Variants in ACLY observed in about 807,000 individuals in gnomAD.
ACLY encodes the protein ATP citrate lyase.
ACLY carries 41 observed loss-of-function variants against 133.0 expected under a neutral mutation model. That is an observed-to-expected ratio of 0.31 (90% CI 0.24 to 0.40). The LOEUF is 0.40. ACLY is among the 10% of genes least tolerant of loss of function. The probability of loss-of-function intolerance (pLI) is 1.00; values close to 1 mark genes in which losing one functional copy is unlikely to be tolerated. For missense variants in ACLY, 1,046 were observed against 1,453.8 expected, an observed-to-expected ratio of 0.72 and a Z score of 4.56; for synonymous variants, 495 against 549.3, an observed-to-expected ratio of 0.90 and a Z score of 1.38.
At chr17:41,919,159 C>G (rs993926652), upstream of ACLY, 5 of 995,482 alleles carry the variant, frequency 5.0e-6, no homozygotes. Context: ...CCCGCTGGCC[C>G]ATCCACCGCC....
chr17:41,906,176 C>A (rs1344242082), intron 8 of ACLY, among the ~76,000 whole-genome samples: 1 of 152,174 alleles, frequency 6.6e-6, no homozygotes, highest in Non-Finnish European at 1.5e-5. Flanking sequence ...ATATGCTTGA[C>A]AGGACATACA....
At chr17:41,891,791 G>A (rs1460059691) in intron 16 of ACLY, among the ~76,000 whole-genome samples, 1 of 152,112 alleles carries the variant, frequency 6.6e-6, no homozygotes, top group African/African-American at 2.4e-5. Context: ...GAACTCCTGG[G>A]TGATCAATTG....
intron 9 of ACLY, 44 bp from the exon 10 acceptor site, chr17:41,904,834 G>C (rs782217323): frequency 1.3e-6 from 2 of 1,564,616 alleles, no homozygotes; most frequent in South Asian, 2.2e-5. Flanking sequence ...TACATAGGTA[G>C]ACTTGAGCAT....
intron 1 of ACLY, among the ~76,000 whole-genome samples, chr17:41,917,730 C>T (rs2050088390): frequency 6.6e-6 from 1 of 152,128 alleles, no homozygotes. Context: ...GTGAGTGCCC[C>T]TTACTGCGGC....
intron 20 of ACLY, among the ~76,000 whole-genome samples, chr17:41,880,935 C>T (rs2048897794): frequency 6.6e-6 from 1 of 151,536 alleles, no homozygotes; most frequent in Admixed American, 6.6e-5. Flanking sequence ...ATGAGTGCCA[C>T]CAGATACTGA....
chr17:41,900,749 T>C (rs1424906159), intron 11 of ACLY, among the ~76,000 whole-genome samples: 1 of 151,852 alleles, frequency 6.6e-6, no homozygotes, highest in African/African-American at 2.4e-5. Context: ...ATAATAAATA[T>C]GTGGTTCCTC....
intron 11 of ACLY, among the ~76,000 whole-genome samples, chr17:41,900,977 C>T (rs1456036343): frequency 6.6e-6 from 1 of 151,208 alleles, no homozygotes; most frequent in Non-Finnish European, 1.5e-5. Flanking sequence ...TTTTTTGATA[C>T]AGGGTCTCAC....
At chr17:41,879,103 T>G (rs2048838022) in intron 20 of ACLY, among the ~76,000 whole-genome samples, 179 bp from the exon 21 acceptor site, 4 of 152,068 alleles carry the variant, frequency 2.6e-5, no homozygotes, top group African/African-American at 9.7e-5. Flanking sequence ...CACAGAGAAG[T>G]TCAGGAGCTT....
At chr17:41,927,506 A>T (rs2050257623) in intron 1 of ACLY, among the ~76,000 whole-genome samples, 1 of 152,044 alleles carries the variant, frequency 6.6e-6, no homozygotes, top group Non-Finnish European at 1.5e-5. Flanking sequence ...ATTTCTAGTT[A>T]ATTTTTGTAT....
chr17:41,880,972 GTGTCCTGATCATGGTGGGGA>G (rs1156819773), intron 20 of ACLY, among the ~76,000 whole-genome samples: 1 of 151,708 alleles, frequency 6.6e-6, no homozygotes, highest in Admixed American at 6.6e-5. Flanking sequence ...CCTCTTAGAA[GTGTCCTGATCATGGTGGGGA>G]TGGGGAGGTG....
intron 16 of ACLY, among the ~76,000 whole-genome samples, chr17:41,890,294 T>C (rs1555628980): frequency 2.0e-5 from 3 of 152,088 alleles, no homozygotes; most frequent in African/African-American, 7.2e-5. Context: ...ATCAGTATTT[T>C]GAAACTGTTC....
At chr17:41,883,516 T>C (rs2048972585) in intron 19 of ACLY, among the ~76,000 whole-genome samples, 1 of 151,836 alleles carries the variant, frequency 6.6e-6, no homozygotes, top group Non-Finnish European at 1.5e-5. Flanking sequence ...TTTTAGTATT[T>C]AGAAAATTTT....
chr17:41,918,869 C>T lies in ACLY; in HGVS notation c.-24+11G>A. 7.8e-7 allele frequency: 1 copy of T among 1,288,038 alleles called. No homozygotes were observed. Among genetic ancestry groups the T allele is most frequent in the East Asian group, 5.6e-5 (1 of 17,778 alleles). The allele number at this position is 1,288,038 out of a possible 1,614,324, so 79.8% of individuals were successfully genotyped here. A position where few individuals can be genotyped will look rare whatever the true frequency, so the allele number is the denominator to read the frequency against. On this transcript the variant is annotated intron_variant, in intron 1 of 28. Transcript: ENST00000352035. The stretch of plus-strand genomic sequence containing the variant: ...GGGCTCCAGCCAGCGAAAACAGCCT[C>T]CCGTGCTCACCTCTGCCGAAGTCCG...
intron 1 of ACLY, among the ~76,000 whole-genome samples, chr17:41,918,677 G>C (rs2050122217): frequency 6.6e-6 from 1 of 152,208 alleles, no homozygotes; most frequent in African/African-American, 2.4e-5. Flanking sequence ...GTCGCGCGGG[G>C]GGAGGGGAGG....
rs375322610 is a variant in ACLY, at chr17:41,873,912, C to T, written c.2541G>A (p.Glu847=). The stretch of plus-strand genomic sequence containing the variant: ...CCGCGTAGATGAGCTCCTGTCCTCG[C>T]TCATCGCAGATGCTGGTCATGAACG... ...PASFMTSICD[E]RGQELIYAGM... Residue 847 remains glutamate (E), a synonymous_variant, in exon 23 of 29, where the codon GAG becomes GAA. Coordinates refer to ENST00000352035, the MANE Select transcript of ACLY (RefSeq NM_001096.3). 4 of 1,610,238 alleles carry T rather than the reference C, an allele frequency of 2.5e-6. No individual in the cohort carries two copies. In the African/African-American group the frequency reaches 5.3e-5, roughly 22 times the overall value.
intron 23 of ACLY, 56 bp downstream of exon 23, chr17:41,873,755 G>GA: frequency 4.1e-6 from 6 of 1,473,426 alleles, no homozygotes; most frequent in Non-Finnish European, 5.4e-6. Flanking sequence ...TTTGTTGGGG[G>GA]AAAATCATTA....
At chr17:41,914,257 C>T (rs1356606494) in intron 1 of ACLY, among the ~76,000 whole-genome samples, 1 of 152,204 alleles carries the variant, frequency 6.6e-6, no homozygotes, top group African/African-American at 2.4e-5. Flanking sequence ...CCAAGAAAAC[C>T]GGTGCTTTGA....
chr17:41,897,951 G>T, intron 12 of ACLY, 112 bp from the exon 13 acceptor site: 1 of 872,724 alleles, frequency 1.1e-6, no homozygotes, highest in African/African-American at 1.7e-5. Context: ...GCACAGCAAT[G>T]CTCTTTATAA....
At chr17:41,918,980 T>C (rs1317330924), upstream of ACLY, 4 of 1,288,628 alleles carry the variant, frequency 3.1e-6, no homozygotes, top group South Asian at 1.2e-5. Context: ...ATCCGGCTTT[T>C]GTCCCGGCCC....
Sources: allele counts gnomAD v4.1 joint callset (sites outside exome capture counted in the v4.1 genomes callset), GRCh38; gene constraint gnomAD v4.1.1; transcripts MANE v1.5; gene names NCBI Gene and HGNC (gene_info 2026-07-23, HGNC 2026-07-21).